The following PTPRT variants were observed in gnomAD, a reference collection of about 807,000 sequenced individuals.
PTPRT encodes receptor-type tyrosine-protein phosphatase T.
Under a neutral mutation model 176.8 loss-of-function variants are expected in PTPRT, and 56 were observed. The ratio of observed to expected loss-of-function variants is 0.32; its 90% CI spans 0.26 to 0.40. PTPRT has a LOEUF of 0.40. Among genes scored for constraint, PTPRT ranks in the 10% least tolerant of loss-of-function variants. The pLI is 1.00. For synonymous variants in PTPRT, 783 were observed against 739.0 expected, an observed-to-expected ratio of 1.06 and a Z score of -0.96; for missense variants, 1,540 against 1,908.2, an observed-to-expected ratio of 0.81 and a Z score of 3.60.
intron 1 of PTPRT, among the ~76,000 whole-genome samples, chr20:43,092,000 C>T (rs2011897604): frequency 6.6e-6 from 1 of 152,214 alleles, no homozygotes; most frequent in African/African-American, 2.4e-5. Flanking sequence ...TTCATCTCAT[C>T]ACAGTTCTGG....
At chr20:43,097,144 A>G (rs540933646) in intron 1 of PTPRT, among the ~76,000 whole-genome samples, 4 of 152,318 alleles carry the variant, frequency 2.6e-5, no homozygotes, top group African/African-American at 9.6e-5. Flanking sequence ...CCTGCTTCCA[A>G]GCAATGCACA....
At chr20:42,441,763 A>C (rs758951900) in intron 9 of PTPRT, among the ~76,000 whole-genome samples, 5 of 152,226 alleles carry the variant, frequency 3.3e-5, no homozygotes, top group Non-Finnish European at 7.3e-5. Context: ...TGCTGGGGGC[A>C]ACGGATGACG....
intron 15 of PTPRT, among the ~76,000 whole-genome samples, chr20:42,226,524 T>A (rs933011653): frequency 6.6e-6 from 1 of 152,196 alleles, no homozygotes; most frequent in Non-Finnish European, 1.5e-5. Flanking sequence ...AGCATCATCA[T>A]CAACATTGAG....
chr20:42,397,007 T>C (rs915774013), intron 9 of PTPRT, among the ~76,000 whole-genome samples: 1 of 152,230 alleles, frequency 6.6e-6, no homozygotes, highest in Non-Finnish European at 1.5e-5. Context: ...CAGTACACCC[T>C]GTCCCCATTA....
intron 23 of PTPRT, among the ~76,000 whole-genome samples, chr20:42,109,407 A>ACTT (rs1270834903): frequency 3.9e-5 from 6 of 152,212 alleles, no homozygotes; most frequent in East Asian, 1.9e-4. Context: ...TTGACAGGAT[A>ACTT]CTTCATCTCC....
At chr20:42,444,881 T>C (rs1165456715) in intron 9 of PTPRT, among the ~76,000 whole-genome samples, 1 of 152,190 alleles carries the variant, frequency 6.6e-6, no homozygotes, top group Non-Finnish European at 1.5e-5. Flanking sequence ...AAAAGCAAGG[T>C]CTCTTGCTTA....
chr20:43,025,022 C>A (rs1985854483), intron 1 of PTPRT, among the ~76,000 whole-genome samples: 1 of 152,238 alleles, frequency 6.6e-6, no homozygotes, highest in African/African-American at 2.4e-5. Flanking sequence ...ACACTACCAT[C>A]TTTCCAACAC....
chr20:42,763,028 C>A (rs940331264), intron 5 of PTPRT, among the ~76,000 whole-genome samples: 2 of 152,192 alleles, frequency 1.3e-5, no homozygotes, highest in Admixed American at 1.3e-4. Flanking sequence ...AATGTTCTGT[C>A]CCCAGCACAA....
At chr20:42,881,561 C>A (rs1249905757) in intron 2 of PTPRT, among the ~76,000 whole-genome samples, 1 of 151,908 alleles carries the variant, frequency 6.6e-6, no homozygotes, top group African/African-American at 2.4e-5. Context: ...TCCATCTCTA[C>A]TAAAAATACA....
chr20:43,121,110 G>C (rs538868016), intron 1 of PTPRT, among the ~76,000 whole-genome samples: 1 of 151,596 alleles, frequency 6.6e-6, no homozygotes, highest in African/African-American at 2.4e-5. Context: ...GGTATCATAC[G>C]CTATGTTGTT....
chr20:42,342,757 T>C (rs1424479220), intron 11 of PTPRT, among the ~76,000 whole-genome samples: 2 of 152,238 alleles, frequency 1.3e-5, no homozygotes, highest in African/African-American at 4.8e-5. Context: ...TTGTTTCATG[T>C]GCTCCCACTC....
chr20:42,360,252 C>T (rs1013408005), intron 9 of PTPRT, among the ~76,000 whole-genome samples: 2 of 152,188 alleles, frequency 1.3e-5, no homozygotes, highest in African/African-American at 2.4e-5. Flanking sequence ...TCAACAGGTG[C>T]TCCCTCCACC....
intron 7 of PTPRT, among the ~76,000 whole-genome samples, chr20:42,586,293 C>T (rs988183977): frequency 3.3e-5 from 5 of 152,108 alleles, no homozygotes; most frequent in African/African-American, 7.2e-5. Context: ...CCTGTTTCAC[C>T]CCAAAGGAAA....
At chr20:42,907,116 G>C (rs997410008) in intron 1 of PTPRT, among the ~76,000 whole-genome samples, 3 of 152,078 alleles carry the variant, frequency 2.0e-5, no homozygotes. Context: ...TGAAAAAAAT[G>C]AATACAGTAG....
chr20:42,492,959 T>A (rs1192804683), intron 7 of PTPRT, among the ~76,000 whole-genome samples: 1 of 152,216 alleles, frequency 6.6e-6, no homozygotes, highest in East Asian at 1.9e-4. Flanking sequence ...ATCTTCAATG[T>A]CTCTAGTTAT....
chr20:42,711,932 T>G (rs2076150486), intron 6 of PTPRT, among the ~76,000 whole-genome samples: 1 of 151,998 alleles, frequency 6.6e-6, no homozygotes, highest in African/African-American at 2.4e-5. Context: ...TCAGGTGGCC[T>G]GACTCCACAG....
At chr20:43,042,607 CAG>C (rs1358368913) in intron 1 of PTPRT, among the ~76,000 whole-genome samples, 2 of 152,136 alleles carry the variant, frequency 1.3e-5, no homozygotes, top group African/African-American at 2.4e-5. Flanking sequence ...TGCCTCAGAA[CAG>C]AGAGCTCAAT....
chr20:42,088,655 C>T (rs1984278764), intron 27 of PTPRT, among the ~76,000 whole-genome samples: 1 of 152,222 alleles, frequency 6.6e-6, no homozygotes, highest in Non-Finnish European at 1.5e-5. Context: ...TTTGCTGAAA[C>T]ACAGCTACAC....
intron 7 of PTPRT, among the ~76,000 whole-genome samples, chr20:42,622,699 A>T (rs1159600391): frequency 6.6e-6 from 1 of 152,210 alleles, no homozygotes; most frequent in African/African-American, 2.4e-5. Flanking sequence ...GAAATAAAAA[A>T]CAAGATTAGA....
Sources: gnomAD v4.1 joint callset for allele counts (sites outside exome capture counted in the v4.1 genomes callset) on GRCh38, gnomAD v4.1.1 for gene constraint, MANE v1.5 for transcripts, NCBI Gene and HGNC (gene_info 2026-07-23, HGNC 2026-07-21) for gene names.